SOX6: variants seen among roughly 807,000 people sequenced by gnomAD.
SOX6 encodes SRY-box transcription factor 6, also known as transcription factor SOX-6.
A neutral mutation model predicts 97.8 loss-of-function variants in SOX6; 11 were observed. The observed-to-expected ratio is 0.11, with a 90% CI of 0.07 to 0.19. The LOEUF (loss-of-function observed/expected upper bound fraction) is 0.19. Among genes scored for constraint, SOX6 ranks in the 10% least tolerant of loss-of-function variants. The probability of loss-of-function intolerance (pLI) is 1.00; values close to 1 mark genes in which losing one functional copy is unlikely to be tolerated. For missense variants in SOX6, 810 were observed against 1,039.5 expected (o/e 0.78, Z 3.04); for synonymous variants, 360 against 371.4 (o/e 0.97, Z 0.35).
At chr11:16,407,861 G>A (rs1858719132) in intron 1 of SOX6, among the ~76,000 whole-genome samples, 1 of 151,926 alleles carries the variant, frequency 6.6e-6, no homozygotes, top group Admixed American at 6.6e-5. Flanking sequence ...ACATTCTTAA[G>A]AATTACCTAA....
At chr11:16,234,977 A>G (rs1852972467) in intron 3 of SOX6, among the ~76,000 whole-genome samples, 1 of 152,070 alleles carries the variant, frequency 6.6e-6, no homozygotes, top group African/African-American at 2.4e-5. Context: ...GACTGATAGT[A>G]CAGAAAAGAG....
chr11:16,296,676 T>C (rs1176387877), intron 3 of SOX6, among the ~76,000 whole-genome samples: 4 of 152,140 alleles, frequency 2.6e-5, no homozygotes, highest in African/African-American at 7.2e-5. Flanking sequence ...TTTGGAGATA[T>C]CAAAACACCA....
chr11:16,558,030 T>C (rs79212007), intron 4 of SOX6, among the ~76,000 whole-genome samples: 2 of 151,992 alleles, frequency 1.3e-5, no homozygotes, highest in East Asian at 3.9e-4. Context: ...TCTAAAATAT[T>C]TTTTCTCTAC....
intron 13 of SOX6, among the ~76,000 whole-genome samples, chr11:15,994,058 C>CA (rs1383784602): frequency 9.2e-5 from 14 of 152,112 alleles, no homozygotes; most frequent in Non-Finnish European, 2.1e-4. Flanking sequence ...TTCATATGTA[C>CA]CCAGCATTGT....
At chr11:15,999,350 A>G (rs575258482) in intron 13 of SOX6, among the ~76,000 whole-genome samples, 4 of 152,172 alleles carry the variant, frequency 2.6e-5, no homozygotes, top group Non-Finnish European at 5.9e-5. Context: ...ATATTTACTT[A>G]TGACCCAGCA....
At chr11:16,291,796 A>C (rs1854926445) in intron 3 of SOX6, among the ~76,000 whole-genome samples, 1 of 152,084 alleles carries the variant, frequency 6.6e-6, no homozygotes, top group Non-Finnish European at 1.5e-5. Context: ...TGTTGGTATT[A>C]ATGTAATAAA....
intron 3 of SOX6, among the ~76,000 whole-genome samples, chr11:16,714,251 GA>G (rs148136267): frequency 2.0e-4 from 30 of 148,152 alleles, no homozygotes; most frequent in South Asian, 6.4e-4. Flanking sequence ...TTGTTGTATG[GA>G]AAAAAAAAAT....
At chr11:16,117,351 C>T (rs564215556) in intron 6 of SOX6, among the ~76,000 whole-genome samples, 43 of 149,334 alleles carry the variant, frequency 2.9e-4, no homozygotes, top group African/African-American at 9.6e-4. Flanking sequence ...GACTCCATCT[C>T]AAAAAACAAA....
rs1853339290 is a variant in SOX6 at position 15,972,257 on chromosome 11, A to G, written c.*552T>C. 6.5e-6 allele frequency: 1 copy of G among 153,180 alleles called. No individual in the cohort carries two copies. The highest frequency in any genetic ancestry group is 1.5e-5 in the Non-Finnish European group (1 of 68,446). 9.5% of individuals were successfully genotyped at this position (153,180 alleles called of 1,614,324 possible). A position where few individuals can be genotyped will look rare whatever the true frequency, so the allele number is the denominator to read the frequency against. ...GTTACGAAAAAGTTTGGCACATTCA[A>G]AGTTTAACTCTACAAATGGAAAATT... On this transcript the variant is annotated 3_prime_UTR_variant, in exon 16 of 16. Transcript: ENST00000683767.
intron 1 of SOX6, among the ~76,000 whole-genome samples, chr11:16,398,775 G>A (rs775071717): frequency 3.2e-4 from 47 of 149,026 alleles, no homozygotes; most frequent in Non-Finnish European, 5.7e-4. Context: ...TGCTACAAAA[G>A]GCCATGTTCA....
chr11:16,005,315 T>A (rs1854516401), intron 13 of SOX6, among the ~76,000 whole-genome samples: 1 of 151,486 alleles, frequency 6.6e-6, no homozygotes, highest in South Asian at 2.1e-4. Context: ...GGCATAAGGC[T>A]CAACCGAGAA....
At chr11:16,504,487 C>T (rs1295894855) in intron 4 of SOX6, among the ~76,000 whole-genome samples, 1 of 151,346 alleles carries the variant, frequency 6.6e-6, no homozygotes, top group African/African-American at 2.4e-5. Flanking sequence ...ATCCTATTTA[C>T]AATAGCTACA....
rs148304850 is a variant in SOX6, at chr11:16,421,105, A to G, written c.-5+55210T>C. Among the ~76,000 whole-genome samples the G allele has an allele frequency of 5.6e-4, 85 of 152,312 alleles. No individual in the cohort carries two copies. In the East Asian group the frequency reaches 0.016, roughly 28 times the overall value. ...TTTCCCTTTTTCCTCTCAGAACTCA[A>G]CCTGGAGTCTAACAGGGACAGTATC... is the stretch of plus-strand genomic sequence containing the variant. On this transcript the variant is annotated intron_variant, in intron 1 of 15. Coordinates refer to the SOX6 transcript ENST00000396356.
intron 4 of SOX6, among the ~76,000 whole-genome samples, chr11:16,598,662 A>T (rs903020547): frequency 4.0e-5 from 6 of 151,722 alleles, no homozygotes; most frequent in African/African-American, 1.5e-4. Context: ...AAAAAAAAAA[A>T]TCTGTTGCAT....
intron 1 of SOX6, among the ~76,000 whole-genome samples, chr11:16,411,981 T>C (rs761985837): frequency 1.3e-5 from 2 of 152,348 alleles, no homozygotes; most frequent in South Asian, 4.1e-4. Context: ...CCAATTCCTG[T>C]TGAACTTGTG....
intron 3 of SOX6, among the ~76,000 whole-genome samples, chr11:16,712,078 T>TAC (rs58807051): frequency 0.25 from 34,988 of 139,708 alleles, 4,514 homozygotes; most frequent in Middle Eastern, 0.32. Context: ...TAGTATTCCA[T>TAC]ACACACACAC....
At position 16,341,114 on chromosome 11, in the gene SOX6, G is replaced by A; in HGVS notation, c.135C>T (p.Pro45=). The change falls in exon 2 of 16, where the codon CCC becomes CCT. Residue 45 remains proline (P), a synonymous_variant. Coordinates refer to ENST00000683767, the MANE Select transcript of SOX6 (RefSeq NM_001367873.1). The part of the protein sequence containing the change: ...QHVASHLPLH[P]IMHNKPHSEE... The stretch of plus-strand genomic sequence containing the variant: ...CAGAGTGAGGTTTGTTGTGCATTAT[G>A]GGGTGCAGAGGCAGATGGGAGGCCA... 3.1e-6 allele frequency: 5 copies of A among 1,613,464 alleles called. No homozygotes were observed. The highest frequency in any genetic ancestry group is 3.4e-6 in the Non-Finnish European group (4 of 1,179,550).
intron 9 of SOX6, among the ~76,000 whole-genome samples, chr11:16,080,173 G>A (rs2133953821): frequency 6.9e-6 from 1 of 145,968 alleles, no homozygotes; most frequent in East Asian, 2.1e-4. Flanking sequence ...TTTCTACAAT[G>A]TATACATAGA....
At chr11:16,486,971 C>T (rs1860446106) in intron 4 of SOX6, among the ~76,000 whole-genome samples, 1 of 151,960 alleles carries the variant, frequency 6.6e-6, no homozygotes, top group Non-Finnish European at 1.5e-5. Context: ...TTCTATGATA[C>T]TGAGAATTGG....
Sources: gnomAD v4.1 joint callset for allele counts (sites outside exome capture counted in the v4.1 genomes callset) on GRCh38, gnomAD v4.1.1 for gene constraint, MANE v1.5 for transcripts, NCBI Gene and HGNC (gene_info 2026-07-23, HGNC 2026-07-21) for gene names.